TUBGCP5: variants seen among roughly 807,000 people sequenced by gnomAD.
The protein encoded by TUBGCP5 is gamma-tubulin complex component 5.
TUBGCP5 carries 98 observed loss-of-function variants against 134.7 expected under a neutral mutation model. The ratio of observed to expected loss-of-function variants is 0.73; its 90% CI spans 0.62 to 0.86. TUBGCP5 has a LOEUF of 0.86. TUBGCP5 is among the 40% of genes least tolerant of loss of function. The pLI is 0.00. For synonymous variants in TUBGCP5, 456 were observed against 431.4 expected (o/e 1.06, Z -0.71); for missense variants, 1,150 against 1,244.8 (o/e 0.92, Z 1.15).
chr15:22,990,424 T>C (rs141019530), intron 23 of TUBGCP5, among the ~76,000 whole-genome samples: 1 of 152,262 alleles, frequency 6.6e-6, no homozygotes, highest in Non-Finnish European at 1.5e-5. Flanking sequence ...GCATTTGGGA[T>C]CTGTGAGCAT....
At chr15:23,007,828 T>C (rs1324461803) in intron 16 of TUBGCP5, among the ~76,000 whole-genome samples, 1 of 152,062 alleles carries the variant, frequency 6.6e-6, no homozygotes, top group Non-Finnish European at 1.5e-5. Flanking sequence ...GGATGAGTGG[T>C]GGAAGTCACT....
chr15:22,989,756 C>G (rs2063792035), intron 23 of TUBGCP5, among the ~76,000 whole-genome samples: 1 of 152,166 alleles, frequency 6.6e-6, no homozygotes, highest in Non-Finnish European at 1.5e-5. Context: ...ATTTGTACAA[C>G]CTGATCTCTT....
chr15:23,036,785 G>T, intron 3 of TUBGCP5, 112 bp downstream of exon 3: 1 of 761,418 alleles, frequency 1.3e-6, no homozygotes, highest in Non-Finnish European at 2.2e-6. Context: ...GATCCCGTTA[G>T]CCAGTAGATA....
At chr15:23,006,631 G>A (rs1417116506) in intron 16 of TUBGCP5, among the ~76,000 whole-genome samples, 1 of 152,194 alleles carries the variant, frequency 6.6e-6, no homozygotes, top group Non-Finnish European at 1.5e-5. Context: ...AGCTGAGGAA[G>A]ACAGTAAACT....
chr15:23,011,763 A>G (rs55712411), intron 13 of TUBGCP5, among the ~76,000 whole-genome samples: 148,419 of 148,438 alleles, frequency 1, 74,200 homozygotes, highest in Middle Eastern at 1. Flanking sequence ...CACCCGCCTC[A>G]GCCTCCCAAA....
At chr15:23,037,957 G>T (rs547258597) in intron 1 of TUBGCP5, among the ~76,000 whole-genome samples, 1 of 152,054 alleles carries the variant, frequency 6.6e-6, no homozygotes, top group Non-Finnish European at 1.5e-5. Context: ...GTAGAGACCG[G>T]GTTTCACCGT....
At chr15:23,028,605 T>C (rs1310118671) in intron 6 of TUBGCP5, among the ~76,000 whole-genome samples, 1 of 151,762 alleles carries the variant, frequency 6.6e-6, no homozygotes, top group Non-Finnish European at 1.5e-5. Context: ...TAAAGACTTC[T>C]AGAAAAAAAA....
intron 3 of TUBGCP5, among the ~76,000 whole-genome samples, chr15:23,034,594 T>C (rs1678257208): frequency 1.3e-5 from 2 of 152,076 alleles, no homozygotes; most frequent in African/African-American, 4.8e-5. Flanking sequence ...CCGGGGTGGC[T>C]CACGCCTGTA....
In TUBGCP5 at chr15:23,032,891, A is replaced by C. The variant is rs78805231; in HGVS notation, c.310-67T>G. 1,898 of 1,204,776 alleles carry C rather than the reference A, an allele frequency of 1.6e-3. 40 individuals carry two copies. In the East Asian group the frequency reaches 0.044, roughly 28 times the overall value. 74.6% of individuals were successfully genotyped at this position (1,204,776 alleles called of 1,614,324 possible). ...AATGCTTTCTACACCAGATTGAGTA[A>C]AGATAACTCCATGACAGTTATGTCC... On this transcript the variant is annotated intron_variant, in intron 3 of 22. Transcript: ENST00000615383.
intron 23 of TUBGCP5, among the ~76,000 whole-genome samples, chr15:22,991,317 A>G (rs1236950326): frequency 1.3e-5 from 2 of 152,064 alleles, no homozygotes; most frequent in Non-Finnish European, 2.9e-5. Context: ...GCTGGTCTCG[A>G]ACTCATGACC....
chr15:23,032,666 C>T, intron 4 of TUBGCP5, 62 bp downstream of exon 4: 1 of 1,152,776 alleles, frequency 8.7e-7, no homozygotes, highest in South Asian at 1.7e-5. Flanking sequence ...CAGTGTTTAG[C>T]AACTAAGTAA....
chr15:23,016,026 G>T (rs2065293116), intron 13 of TUBGCP5, among the ~76,000 whole-genome samples: 1 of 152,128 alleles, frequency 6.6e-6, no homozygotes, highest in Admixed American at 6.5e-5. Context: ...TATAGGAAAT[G>T]CCGGAAAAAT....
chr15:23,031,512 C>T (rs2066311104), intron 5 of TUBGCP5, among the ~76,000 whole-genome samples: 1 of 152,102 alleles, frequency 6.6e-6, no homozygotes, highest in Non-Finnish European at 1.5e-5. Flanking sequence ...GACGGGGTTT[C>T]ACTATGTTGC....
At chr15:22,999,134 A>G (rs932934629), downstream of TUBGCP5, 2 of 152,196 alleles carry the variant, frequency 1.3e-5, no homozygotes, top group Non-Finnish European at 2.9e-5. Flanking sequence ...CTCTATATAA[A>G]AAGCTTCTGT....
At chr15:23,009,061 C>T (rs1208135571) in intron 15 of TUBGCP5, among the ~76,000 whole-genome samples, 180 bp from the exon 16 acceptor site, 1 of 151,916 alleles carries the variant, frequency 6.6e-6, no homozygotes, top group Non-Finnish European at 1.5e-5. Context: ...CATAGGTTTT[C>T]CTTTCATCAT....
At chr15:22,986,364 C>A (rs1430505680) in intron 23 of TUBGCP5, among the ~76,000 whole-genome samples, 1 of 151,978 alleles carries the variant, frequency 6.6e-6, no homozygotes. Flanking sequence ...TTTCCACACA[C>A]AAAAGACCAT....
At chr15:22,986,204 G>A (rs539303731) in intron 23 of TUBGCP5, among the ~76,000 whole-genome samples, 1 of 151,696 alleles carries the variant, frequency 6.6e-6, no homozygotes, top group African/African-American at 2.4e-5. Flanking sequence ...GCAAGGATAT[G>A]ATGAAATTGG....
At chr15:23,024,895 C>T (rs2065902671) in intron 8 of TUBGCP5, 65 bp from the exon 9 acceptor site, 1 of 1,011,708 alleles carries the variant, frequency 9.9e-7, no homozygotes, top group Non-Finnish European at 1.5e-6. Context: ...GACAGTATGC[C>T]CAGGACATTT....
chr15:23,020,364 G>T (rs929465497), intron 11 of TUBGCP5, among the ~76,000 whole-genome samples: 1 of 151,782 alleles, frequency 6.6e-6, no homozygotes, highest in Non-Finnish European at 1.5e-5. Context: ...CCAAGATCAT[G>T]ACACTGCACT....
Sources: allele counts gnomAD v4.1 joint callset (sites outside exome capture counted in the v4.1 genomes callset), GRCh38; gene constraint gnomAD v4.1.1; transcripts MANE v1.5; gene names NCBI Gene and HGNC (gene_info 2026-07-23, HGNC 2026-07-21).